UGT1A4: variants seen among roughly 807,000 people sequenced by gnomAD.
The protein encoded by UGT1A4 is UDP-glucuronosyltransferase 1A4.
In UGT1A4, 32 loss-of-function variants were observed where a neutral mutation model predicts 41.1. The ratio of observed to expected loss-of-function variants is 0.78; its 90% CI spans 0.59 to 1.05. The LOEUF (loss-of-function observed/expected upper bound fraction) is 1.05. UGT1A4 is among the 50% of genes least tolerant of loss of function. UGT1A4 has a pLI of 0.00. For synonymous variants in UGT1A4, 283 were observed against 265.1 expected, an observed-to-expected ratio of 1.07 and a Z score of -0.66; for missense variants, 748 against 677.4, an observed-to-expected ratio of 1.10 and a Z score of -1.16.
chr2:233,772,435 G>C lies in UGT1A4; in HGVS notation c.1481G>C (p.Gly494Ala). ...WYQYHSLDVIGFLLAVVLTVA... is the reference protein window; with the variant it reads ...WYQYHSLDVIAFLLAVVLTVA... ...CAGTACCATTCCTTGGACGTGATTG[G>C]TTTCCTCTTGGCCGTCGTGCTGACA... Residue 494 changes from glycine to alanine, a missense_variant, in exon 5 of 5, where the codon GGT becomes GCT. Coordinates refer to ENST00000373409, the MANE Select transcript of UGT1A4 (RefSeq NM_007120.3). The C allele has an allele frequency of 6.2e-7, 1 of 1,614,208 alleles. No homozygotes were observed. The highest frequency in any genetic ancestry group is 1.7e-5 in the Admixed American group (1 of 60,022).
At chr2:233,724,144 C>T (rs2077176143) in intron 1 of UGT1A4, among the ~76,000 whole-genome samples, 1 of 124,228 alleles carries the variant, frequency 8.0e-6, no homozygotes, top group African/African-American at 3.6e-5. Flanking sequence ...GACGGGGCGG[C>T]TGGCCGGGTG....
At chr2:233,724,308 C>A (rs2077215136) in intron 1 of UGT1A4, among the ~76,000 whole-genome samples, 1 of 148,194 alleles carries the variant, frequency 6.7e-6, no homozygotes, top group African/African-American at 2.5e-5. Context: ...CACCTCCCTC[C>A]CGGACGGGGC....
chr2:233,735,013 G>A (rs1042538145), intron 1 of UGT1A4, among the ~76,000 whole-genome samples: 1 of 152,194 alleles, frequency 6.6e-6, no homozygotes, highest in Non-Finnish European at 1.5e-5. Context: ...GGAGAGTTCT[G>A]TAGATGTCTA....
rs768704616 is a variant in UGT1A4 at position 233,772,137 on chromosome 2, T to G, written c.1308-125T>G. On this transcript the variant is annotated intron_variant, in intron 4 of 4. Transcript: ENST00000373409. Reference sequence around the variant, plus strand: ...CTAAAAACAACAACAACAACAATAATAGAAACAGGTTTCCTTTCCCAAGTT... The same window carrying G: ...CTAAAAACAACAACAACAACAATAAGAGAAACAGGTTTCCTTTCCCAAGTT... 6.0e-5 allele frequency: 93 copies of G among 1,547,684 alleles called. 1 individual carries two copies. The highest frequency in any genetic ancestry group is 4.6e-4 in the Middle Eastern group (2 of 4,368).
At position 233,719,425 on chromosome 2, in the gene UGT1A4, C is replaced by T. The variant is rs766948934; in HGVS notation, c.605C>T (p.Ser202Leu). 6.2e-7 allele frequency: 1 copy of T among 1,613,998 alleles called. No homozygotes were observed. The highest frequency in any genetic ancestry group is 2.2e-5 in the East Asian group (1 of 44,880). ...ATTCCTAAGTTACTAACGACCAATTCAGACCACATGACATTCCTGCAAAGG... is the reference window on the plus strand; with the variant it reads ...ATTCCTAAGTTACTAACGACCAATTTAGACCACATGACATTCCTGCAAAGG... ...SYIPKLLTTN[S>L]DHMTFLQRVK... The change falls in exon 1 of 5, where the codon TCA (serine) becomes TTA (leucine). Residue 202 changes from serine (S) to leucine (L), a missense_variant. By Grantham distance (145) the Ser-to-Leu change is moderately radical. Coordinates refer to ENST00000373409, the MANE Select transcript of UGT1A4 (RefSeq NM_007120.3).
chr2:233,754,057 T>C (rs1403033410), intron 1 of UGT1A4, among the ~76,000 whole-genome samples: 1 of 152,246 alleles, frequency 6.6e-6, no homozygotes, highest in Admixed American at 6.5e-5. Flanking sequence ...TTACCTGCTT[T>C]TATAAAGCCT....
chr2:233,743,980 GGC>G, intron 1 of UGT1A4: 1 of 1,302,864 alleles, frequency 7.7e-7, no homozygotes, highest in South Asian at 1.3e-5. Context: ...CCAGCACCCA[GGC>G]GCAGGCCCGA....
At chr2:233,761,962 G>A (rs1257423083) in intron 1 of UGT1A4, among the ~76,000 whole-genome samples, 1 of 152,228 alleles carries the variant, frequency 6.6e-6, no homozygotes, top group Non-Finnish European at 1.5e-5. Flanking sequence ...CCATTAAGGG[G>A]ACTGATATCA....
chr2:233,756,002 A>C (rs541180678), intron 1 of UGT1A4: 11 of 152,292 alleles, frequency 7.2e-5, no homozygotes, highest in South Asian at 6.2e-4. Context: ...TCTGCATTCT[A>C]TCTATTGTGA....
chr2:233,743,714 T>A (rs1337587224), intron 1 of UGT1A4: 1 of 1,367,242 alleles, frequency 7.3e-7, no homozygotes, highest in Non-Finnish European at 9.8e-7. Context: ...CGCCTCGCCA[T>A]AGCGGTCATA....
At chr2:233,731,933 C>A (rs562066404) in intron 1 of UGT1A4, among the ~76,000 whole-genome samples, 9 of 152,358 alleles carry the variant, frequency 5.9e-5, no homozygotes, top group Admixed American at 1.3e-4. Flanking sequence ...TCTCCACATC[C>A]TCTCCAACAT....
In UGT1A4 at chr2:233,729,406, C is replaced by T. The variant is rs761312102; in HGVS notation, c.867+9719C>T. 2.5e-6 allele frequency: 4 copies of T among 1,613,662 alleles called. No individual in the cohort carries two copies. The East Asian group carries it at 6.7e-5, about 27-fold the overall frequency. ...CCAGGATGAATTTGATCGCCATGTG[C>T]TGGGCCACACTCAACTGTACTTTGA... On this transcript the variant is annotated intron_variant, in intron 1 of 4. Coordinates refer to ENST00000373409, the MANE Select transcript of UGT1A4 (RefSeq NM_007120.3).
chr2:233,725,174 G>A (rs1352494338), intron 1 of UGT1A4, among the ~76,000 whole-genome samples: 3 of 99,246 alleles, frequency 3.0e-5, no homozygotes, highest in Admixed American at 1.8e-4. Flanking sequence ...GAGGGAGACC[G>A]TGGGGAGAGG....
At chr2:233,733,635 C>T (rs2078423363) in intron 1 of UGT1A4, among the ~76,000 whole-genome samples, 1 of 152,186 alleles carries the variant, frequency 6.6e-6, no homozygotes, top group African/African-American at 2.4e-5. Flanking sequence ...TTGAACCAGC[C>T]TTGCATCCCA....
At chr2:233,754,750 A>G in intron 1 of UGT1A4, 1 of 810,338 alleles carries the variant, frequency 1.2e-6, no homozygotes, top group Non-Finnish European at 1.9e-6. Context: ...ATGCAGAAGG[A>G]AGAAAGGCCC....
rs1478087363 is a variant in UGT1A4 at position 233,769,799 on chromosome 2, G to A, written c.1307+1360G>A. 4.2e-6 allele frequency: 5 copies of A among 1,197,998 alleles called. No individual in the cohort carries two copies. Among genetic ancestry groups the A allele is most frequent in the Admixed American group, 5.9e-5 (2 of 34,170 alleles). 74.2% of individuals were successfully genotyped at this position (1,197,998 alleles called of 1,614,324 possible). A position where few individuals can be genotyped will look rare whatever the true frequency, so the allele number is the denominator to read the frequency against. ...GAGCCCAGAAGTTGGAGGCTGCTAT[G>A]AGCCGTGATCATGCCACTGCACTCC... On this transcript the variant is annotated intron_variant, in intron 4 of 4. Transcript: ENST00000373409. This position sits in a 1 kb window ranked among gnomAD's most constrained non-coding sequence, Gnocchi z 4.4.
At position 233,729,976 on chromosome 2, in the gene UGT1A4, A is replaced by G. The variant is rs201645683; in HGVS notation, c.867+10289A>G. The G allele has an allele frequency of 5.4e-5, 87 of 1,614,040 alleles. No individual in the cohort carries two copies. The highest frequency in any genetic ancestry group is 3.6e-4 in the East Asian group (16 of 44,888). On this transcript the variant is annotated intron_variant, in intron 1 of 4. Transcript: ENST00000373409. ...CATTGGGGGCATCAACTGTGCCAACAGGAAGCCACTATCTCAGGTCTGTAT... is the reference window on the plus strand; with the variant it reads ...CATTGGGGGCATCAACTGTGCCAACGGGAAGCCACTATCTCAGGTCTGTAT...
chr2:233,760,168 C>A, intron 1 of UGT1A4: 1 of 1,526,138 alleles, frequency 6.6e-7, no homozygotes, highest in Non-Finnish European at 8.8e-7. Flanking sequence ...CCTTTGTGGA[C>A]TGACAGCTTT....
chr2:233,723,738 G>C (rs1448534034), intron 1 of UGT1A4, among the ~76,000 whole-genome samples: 1 of 75,272 alleles, frequency 1.3e-5, no homozygotes, highest in Non-Finnish European at 2.3e-5. Flanking sequence ...GACTCTTAAC[G>C]AGCATGCTGC....
Sources: gnomAD v4.1 joint callset for allele counts (sites outside exome capture counted in the v4.1 genomes callset) on GRCh38, gnomAD v4.1.1 for gene constraint, Gnocchi (gnomAD v3.1) non-coding constraint, MANE v1.5 for transcripts, NCBI Gene and HGNC (gene_info 2026-07-23, HGNC 2026-07-21) for gene names.